Variants in MCM5 observed in about 807,000 individuals in gnomAD.
MCM5 encodes DNA replication licensing factor MCM5.
Under a neutral mutation model 79.9 loss-of-function variants are expected in MCM5, and 46 were observed. The observed-to-expected ratio is 0.58, with a 90% CI of 0.45 to 0.74. The LOEUF is 0.74. Ranked by LOEUF, MCM5 falls within the 30% of genes least tolerant of loss-of-function variation. The pLI is 0.00. For missense variants in MCM5, 883 were observed against 1,017.0 expected (o/e 0.87, Z 1.79); for synonymous variants, 404 against 390.5 (o/e 1.03, Z -0.41).
chr22:35,436,211 C>T, the MCM5 span, among the ~76,000 whole-genome samples: 2 of 151,092 alleles, frequency 1.3e-5, no homozygotes, highest in African/African-American at 4.9e-5. Flanking sequence ...GGGAAAATGG[C>T]TAGCCCCGAT....
chr22:35,449,595 C>CCCCTCTGTCCCAGCCGTGGT, the MCM5 span, among the ~76,000 whole-genome samples: 1 of 107,384 alleles, frequency 9.3e-6, no homozygotes, highest in African/African-American at 2.8e-5. Flanking sequence ...CCAGCCGTGG[C>CCCCTCTGTCCCAGCCGTGGT]CCCTCTGTCC....
the MCM5 span, among the ~76,000 whole-genome samples, chr22:35,450,668 C>A: frequency 6.6e-6 from 1 of 152,230 alleles, no homozygotes; most frequent in South Asian, 2.1e-4. Context: ...GAAGATCCAA[C>A]CAACAACCCG....
At chr22:35,453,477 CAG>C in the MCM5 span, among the ~76,000 whole-genome samples, 8 of 97,572 alleles carry the variant, frequency 8.2e-5, no homozygotes, top group African/African-American at 2.0e-4. Context: ...GAGAAAGAGA[CAG>C]AGGGACAGAT....
chr22:35,421,232 G>A, intron 14 of MCM5, 86 bp from the exon 15 acceptor site: 1 of 1,452,960 alleles, frequency 6.9e-7, no homozygotes, highest in Non-Finnish European at 9.3e-7. Flanking sequence ...TACCACTTTG[G>A]GCAAGCACCT....
the MCM5 span, among the ~76,000 whole-genome samples, chr22:35,441,416 C>T: frequency 1.3e-5 from 2 of 152,344 alleles, no homozygotes; most frequent in East Asian, 3.9e-4. Flanking sequence ...CTTGCAGGCT[C>T]TCTGGGTGCC....
intron 9 of MCM5, among the ~76,000 whole-genome samples, chr22:35,414,870 G>A (rs4645790): frequency 0.1 from 15,774 of 152,086 alleles, 2,305 homozygotes; most frequent in African/African-American, 0.33. Flanking sequence ...CCTCTGCTGC[G>A]TTGTTGAATG....
the MCM5 span, among the ~76,000 whole-genome samples, chr22:35,450,880 G>A: frequency 6.6e-6 from 1 of 152,216 alleles, no homozygotes; most frequent in African/African-American, 2.4e-5. Flanking sequence ...AGGGCTGTGT[G>A]TGTTGAGGAG....
chr22:35,432,239 C>T, the MCM5 span, among the ~76,000 whole-genome samples: 2 of 152,290 alleles, frequency 1.3e-5, no homozygotes, highest in Non-Finnish European at 2.9e-5. Context: ...CCAGAAAGAA[C>T]GTCAGCGCCA....
chr22:35,404,822 A>T (rs4645751), intron 4 of MCM5, among the ~76,000 whole-genome samples: 3,521 of 152,248 alleles, frequency 0.023, 59 homozygotes, highest in Non-Finnish European at 0.038. Context: ...AGGTGGAGAG[A>T]GATTGTCCCA....
chr22:35,417,646 C>T lies in MCM5; in HGVS notation c.1591-98C>T, dbSNP rs1359934242. ...AGCACCCTTTCCGGCTCCTTGATGC[C>T]AGGGCCCCATCAGCTCTTTCTGGCT... On this transcript the variant is annotated intron_variant, in intron 12 of 16. Coordinates refer to ENST00000216122, the MANE Select transcript of MCM5 (RefSeq NM_006739.4). The T allele has an allele frequency of 1.1e-5, 9 of 834,120 alleles. No individual in the cohort carries two copies. In the East Asian group the frequency reaches 2.0e-4, roughly 18 times the overall value. The allele number at this position is 834,120 out of a possible 1,614,324, so 51.7% of individuals were successfully genotyped here.
chr22:35,419,134 C>T lies in MCM5; in HGVS notation c.1704-750C>T, dbSNP rs768793651. Among the ~76,000 whole-genome samples, 59 of 152,150 alleles carry T rather than the reference C, an allele frequency of 3.9e-4. 1 individual carries two copies. Among genetic ancestry groups the T allele is most frequent in the Admixed American group, 4.6e-4 (7 of 15,280 alleles). On this transcript the variant is annotated intron_variant, in intron 13 of 16. Coordinates refer to ENST00000216122, the MANE Select transcript of MCM5 (RefSeq NM_006739.4). ...TCATCCAAGTCTGAGCTCTGTGTGG[C>T]CCAGTCTTGAGAGGCTTGGGCCCAC...
the MCM5 span, among the ~76,000 whole-genome samples, chr22:35,443,183 C>T: frequency 5.3e-5 from 8 of 152,060 alleles, no homozygotes; most frequent in South Asian, 8.3e-4. Context: ...GCAAGGTGCC[C>T]AAGGTGCAAA....
chr22:35,452,832 C>A, the MCM5 span, among the ~76,000 whole-genome samples: 1 of 152,138 alleles, frequency 6.6e-6, no homozygotes, highest in Admixed American at 6.5e-5. Context: ...AGAGTTCAGC[C>A]CTGAGAGAGA....
chr22:35,435,826 G>T, the MCM5 span, among the ~76,000 whole-genome samples: 3 of 152,166 alleles, frequency 2.0e-5, no homozygotes, highest in Non-Finnish European at 4.4e-5. Flanking sequence ...GCTTGAGAGG[G>T]AAAAGGAGAG....
intron 14 of MCM5, 78 bp downstream of exon 14, chr22:35,420,090 A>T: frequency 6.6e-7 from 1 of 1,509,536 alleles, no homozygotes; most frequent in Non-Finnish European, 8.9e-7. Context: ...AACCAGGGGC[A>T]GTGGTCCAGG....
chr22:35,432,245 C>T, the MCM5 span, among the ~76,000 whole-genome samples: 15 of 152,168 alleles, frequency 9.9e-5, no homozygotes, highest in Non-Finnish European at 7.3e-5. Context: ...AGAACGTCAG[C>T]GCCAGCATGA....
chr22:35,416,609 C>A, intron 11 of MCM5, 29 bp from the exon 12 acceptor site: 1 of 1,600,708 alleles, frequency 6.2e-7, no homozygotes, highest in Non-Finnish European at 8.5e-7. Context: ...GCCATCTCCT[C>A]CCCCTTTTCG....
the MCM5 span, among the ~76,000 whole-genome samples, chr22:35,441,425 C>T: frequency 5.3e-5 from 8 of 152,028 alleles, no homozygotes; most frequent in Non-Finnish European, 8.8e-5. Flanking sequence ...TCTCTGGGTG[C>T]CCCCCCACCA....
At chr22:35,449,471 T>C in the MCM5 span, among the ~76,000 whole-genome samples, 1 of 151,886 alleles carries the variant, frequency 6.6e-6, no homozygotes, top group Admixed American at 6.6e-5. Flanking sequence ...TTTTCCCAGT[T>C]GCGGCTTCTC....
Sources: gnomAD v4.1 joint callset for allele counts (sites outside exome capture counted in the v4.1 genomes callset) on GRCh38, gnomAD v4.1.1 for gene constraint, MANE v1.5 for transcripts, NCBI Gene and HGNC (gene_info 2026-07-23, HGNC 2026-07-21) for gene names.